The following PCDHA3 variants were observed in gnomAD, a reference collection of about 807,000 sequenced individuals.
PCDHA3 encodes protocadherin alpha 3, also known as protocadherin alpha-3.
PCDHA3 carries 41 observed loss-of-function variants against 62.2 expected under a neutral mutation model. That is an observed-to-expected ratio of 0.66 (90% CI 0.51 to 0.86). The LOEUF is 0.86. Among genes scored for constraint, PCDHA3 ranks in the 40% least tolerant of loss-of-function variants. The pLI, the probability that PCDHA3 is intolerant of heterozygous loss-of-function variation, is 0.00. For synonymous variants in PCDHA3, 640 were observed against 555.4 expected (o/e 1.15, Z -2.14); for missense variants, 1,304 against 1,241.2 (o/e 1.05, Z -0.76).
intron 1 of PCDHA3, chr5:140,967,339 G>A (rs2153751436): frequency 6.2e-7 from 1 of 1,607,904 alleles, no homozygotes; most frequent in Non-Finnish European, 8.5e-7. Context: ...GCCCCAGCGA[G>A]CACTTCGAGC....
intron 1 of PCDHA3, among the ~76,000 whole-genome samples, chr5:140,872,949 C>T (rs547023229): frequency 2.0e-5 from 3 of 152,234 alleles, no homozygotes; most frequent in African/African-American, 2.4e-5. Context: ...TTTCTTTCCA[C>T]GTAGTATCAT....
chr5:140,929,326 G>A, intron 1 of PCDHA3: 1 of 1,538,470 alleles, frequency 6.5e-7, no homozygotes. Context: ...CAATGCCATG[G>A]TAAGCAAATT....
intron 1 of PCDHA3, among the ~76,000 whole-genome samples, chr5:140,898,007 A>G (rs1477147548): frequency 2.3e-4 from 35 of 152,100 alleles, no homozygotes; most frequent in African/African-American, 8.5e-4. Context: ...GTGTCTGTTC[A>G]TATCCTTTGC....
At chr5:140,996,755 C>T (rs1335663800) in intron 3 of PCDHA3, among the ~76,000 whole-genome samples, 2 of 152,142 alleles carry the variant, frequency 1.3e-5, no homozygotes, top group Non-Finnish European at 2.9e-5. Context: ...TATATCTGTG[C>T]AGGACTAAAA....
At chr5:140,884,179 G>A in intron 1 of PCDHA3, 3 of 1,613,460 alleles carry the variant, frequency 1.9e-6, no homozygotes, top group Non-Finnish European at 1.7e-6. Context: ...CGCGCCCTCT[G>A]GACGAGGTGG....
intron 1 of PCDHA3, chr5:140,813,173 T>C (rs1377000127): frequency 6.6e-6 from 1 of 152,212 alleles, no homozygotes; most frequent in Non-Finnish European, 1.5e-5. Flanking sequence ...ATAGTGTTGT[T>C]CAAGTCCTCT....
At chr5:140,917,037 GCA>G (rs2077840325) in intron 1 of PCDHA3, among the ~76,000 whole-genome samples, 1 of 152,268 alleles carries the variant, frequency 6.6e-6, no homozygotes, top group African/African-American at 2.4e-5. Context: ...GCTGAGTCCA[GCA>G]CAGTGTTGTT....
In PCDHA3 at chr5:140,806,926, C is replaced by T. The variant is rs552320631; in HGVS notation, c.2394+3335C>T. ...AAACGACTGAAATAATAAATAAAAC[C>T]AAGTAGTTTACAGTAGAGTGTGTGG... On this transcript the variant is annotated intron_variant, in intron 1 of 3. Coordinates refer to ENST00000522353, the MANE Select transcript of PCDHA3 (RefSeq NM_018906.3). 5 of 514,748 alleles carry T rather than the reference C, an allele frequency of 9.7e-6. No homozygotes were observed. In the East Asian group the frequency reaches 1.6e-4, roughly 17 times the overall value. The allele number at this position is 514,748 out of a possible 1,614,324, so 31.9% of individuals were successfully genotyped here. A position where few individuals can be genotyped will look rare whatever the true frequency, so the allele number is the denominator to read the frequency against.
At chr5:140,871,911 A>G (rs2053380850) in intron 1 of PCDHA3, among the ~76,000 whole-genome samples, 1 of 152,196 alleles carries the variant, frequency 6.6e-6, no homozygotes, top group Non-Finnish European at 1.5e-5. Flanking sequence ...TTTTGCCTTG[A>G]TATTTCCACA....
chr5:140,886,014 CTA>C (rs1317969139), intron 1 of PCDHA3, among the ~76,000 whole-genome samples: 1 of 152,078 alleles, frequency 6.6e-6, no homozygotes, highest in Non-Finnish European at 1.5e-5. Flanking sequence ...AAGGGAGATG[CTA>C]TGTATTCTTC....
In PCDHA3 at chr5:140,969,317, G is replaced by T. The variant is rs1554231675; in HGVS notation, c.2395-9632G>T. 3 of 1,614,156 alleles carry T rather than the reference G, an allele frequency of 1.9e-6. No homozygotes were observed. The East Asian group carries it at 6.7e-5, about 36-fold the overall frequency. ...CCTGATTATTCTCAAAAATGAGGCT[G>T]TTTCTCAAAATGAGGTGAGACAGTG... is the stretch of plus-strand genomic sequence containing the variant. On this transcript the variant is annotated intron_variant, in intron 1 of 3. Transcript: ENST00000522353.
intron 1 of PCDHA3, among the ~76,000 whole-genome samples, chr5:140,974,524 T>C (rs976398044): frequency 5.9e-5 from 9 of 152,210 alleles, no homozygotes; most frequent in African/African-American, 9.7e-5. Flanking sequence ...TATTTTAGTT[T>C]TTTTGAGACG....
intron 1 of PCDHA3, among the ~76,000 whole-genome samples, chr5:140,878,496 C>G (rs562678244): frequency 7.2e-5 from 11 of 152,174 alleles, no homozygotes; most frequent in Non-Finnish European, 1.6e-4. Flanking sequence ...ATTTAACCAT[C>G]TGTACGATAC....
intron 2 of PCDHA3, among the ~76,000 whole-genome samples, chr5:140,979,550 T>C (rs1201791524): frequency 5.3e-5 from 8 of 152,238 alleles, no homozygotes; most frequent in Non-Finnish European, 7.3e-5. Flanking sequence ...ACATGGTTCT[T>C]CAGAAGATGA....
chr5:140,964,167 C>G (rs370784169), intron 1 of PCDHA3, among the ~76,000 whole-genome samples: 1 of 152,134 alleles, frequency 6.6e-6, no homozygotes, highest in Non-Finnish European at 1.5e-5. Flanking sequence ...GTGTGAGGAA[C>G]GAAATCATTA....
chr5:140,821,598 A>T, intron 1 of PCDHA3: 1 of 689,144 alleles, frequency 1.5e-6, no homozygotes, highest in Non-Finnish European at 2.3e-6. Context: ...CCAGCCTCAA[A>T]GGAATACAGT....
At chr5:140,843,659 C>A in intron 1 of PCDHA3, 1 of 1,594,466 alleles carries the variant, frequency 6.3e-7, no homozygotes, top group Non-Finnish European at 8.6e-7. Context: ...TCCTCCTGAT[C>A]TGGGATCAGT....
chr5:140,801,672 G>A lies in PCDHA3; in HGVS notation c.475G>A (p.Asp159Asn). 1.2e-6 allele frequency: 2 copies of A among 1,614,244 alleles called. No homozygotes were observed. The part of the protein sequence containing the change: ...GSRFSLEGAS[D>N]ADIGTNSLLT... ...TCGGTTTTCGCTAGAGGGCGCATCA[G>A]ATGCAGATATCGGAACAAATTCGTT... The change falls in exon 1 of 4, where the codon GAT becomes AAT. Residue 159 changes from aspartate to asparagine, a missense_variant. By Grantham distance (23) the Asp-to-Asn change is conservative. Coordinates refer to ENST00000522353, the MANE Select transcript of PCDHA3 (RefSeq NM_018906.3).
At position 141,010,044 on chromosome 5, in the gene PCDHA3, G is replaced by C; in HGVS notation, c.*107G>C. Reference sequence around the variant, plus strand: ...TTTCCTATCTACATGAGCCCTCTTAGAGACCTCAGAAATCTGCAGAAAGTT... The same window carrying C: ...TTTCCTATCTACATGAGCCCTCTTACAGACCTCAGAAATCTGCAGAAAGTT... On this transcript the variant is annotated 3_prime_UTR_variant, in exon 4 of 4. Coordinates refer to ENST00000522353, the MANE Select transcript of PCDHA3 (RefSeq NM_018906.3). 1.3e-6 allele frequency: 2 copies of C among 1,594,604 alleles called. No individual in the cohort carries two copies. Among genetic ancestry groups the C allele is most frequent in the Non-Finnish European group, 1.7e-6 (2 of 1,171,226 alleles).
Sources: gnomAD v4.1 joint callset for allele counts (sites outside exome capture counted in the v4.1 genomes callset) on GRCh38, gnomAD v4.1.1 for gene constraint, MANE v1.5 for transcripts, NCBI Gene and HGNC (gene_info 2026-07-23, HGNC 2026-07-21) for gene names.